The following GRIN2B variants were observed in gnomAD, a reference collection of about 807,000 sequenced individuals.
GRIN2B encodes the protein glutamate receptor ionotropic, NMDA 2B.
Under a neutral mutation model 114.5 loss-of-function variants are expected in GRIN2B, and 5 were observed. The observed-to-expected ratio is 0.04, with a 90% CI of 0.02 to 0.09. GRIN2B has a LOEUF of 0.09. Ranked by LOEUF, GRIN2B falls within the 10% of genes least tolerant of loss-of-function variation. The pLI is 1.00. For missense variants in GRIN2B, 1,108 were observed against 1,943.5 expected (o/e 0.57, Z 8.08); for synonymous variants, 787 against 745.1 (o/e 1.06, Z -0.92).
intron 3 of GRIN2B, among the ~76,000 whole-genome samples, chr12:13,781,036 T>C (rs1343642588): frequency 6.6e-6 from 1 of 152,188 alleles, no homozygotes; most frequent in Non-Finnish European, 1.5e-5. Flanking sequence ...GTTCCTTATG[T>C]AGTTCTGGTA....
chr12:13,698,392 G>A (rs16909400), intron 4 of GRIN2B, among the ~76,000 whole-genome samples: 3,415 of 152,290 alleles, frequency 0.022, 126 homozygotes, highest in African/African-American at 0.078. Flanking sequence ...GTAAATATTA[G>A]TTGAAGTTGC....
At chr12:13,645,992 T>C (rs1235176780) in intron 5 of GRIN2B, among the ~76,000 whole-genome samples, 1 of 152,112 alleles carries the variant, frequency 6.6e-6, no homozygotes, top group Non-Finnish European at 1.5e-5. Flanking sequence ...TTTCACCACA[T>C]AAATTTATAT....
intron 8 of GRIN2B, among the ~76,000 whole-genome samples, 196 bp downstream of exon 8, chr12:13,614,918 A>G (rs1220313059): frequency 1.3e-5 from 2 of 152,050 alleles, no homozygotes; most frequent in Admixed American, 6.5e-5. Context: ...ATGCTTTCCT[A>G]TTTTTCTGGG....
At chr12:13,918,217 A>C (rs1866764875) in intron 2 of GRIN2B, among the ~76,000 whole-genome samples, 1 of 152,224 alleles carries the variant, frequency 6.6e-6, no homozygotes, top group African/African-American at 2.4e-5. Flanking sequence ...AATACCTCAC[A>C]AGATTTCTGC....
chr12:13,960,781 G>A (rs219934), intron 2 of GRIN2B, among the ~76,000 whole-genome samples: 68,810 of 151,980 alleles, frequency 0.45, 15,818 homozygotes, highest in East Asian at 0.5. Context: ...ATGAAGAGAC[G>A]GATTGGGTCA....
At chr12:13,801,556 G>A (rs1445923300) in intron 3 of GRIN2B, among the ~76,000 whole-genome samples, 1 of 152,110 alleles carries the variant, frequency 6.6e-6, no homozygotes, top group African/African-American at 2.4e-5. Context: ...TGAAAACAAA[G>A]TCTTGGCCAA....
At chr12:13,963,369 C>T (rs1291822358) in intron 2 of GRIN2B, among the ~76,000 whole-genome samples, 3 of 152,126 alleles carry the variant, frequency 2.0e-5, no homozygotes, top group Non-Finnish European at 4.4e-5. Context: ...TGCAATTCTC[C>T]GCGGCATGAC....
chr12:13,820,841 C>T (rs1407196436), intron 3 of GRIN2B, among the ~76,000 whole-genome samples: 1 of 152,080 alleles, frequency 6.6e-6, no homozygotes, highest in Non-Finnish European at 1.5e-5. Context: ...AGTCTCCCTG[C>T]CCACAAAATC....
At chr12:13,881,011 T>C (rs184482115) in intron 2 of GRIN2B, among the ~76,000 whole-genome samples, 5 of 119,440 alleles carry the variant, frequency 4.2e-5, no homozygotes, top group Non-Finnish European at 1.0e-4. Flanking sequence ...TGTGTGTGTG[T>C]GTGCGCGTGC....
intron 3 of GRIN2B, among the ~76,000 whole-genome samples, chr12:13,760,720 G>A (rs959854876): frequency 6.6e-6 from 1 of 152,208 alleles, no homozygotes; most frequent in African/African-American, 2.4e-5. Flanking sequence ...CAGCTGTCCT[G>A]AGAAGTTCTG....
At chr12:13,724,141 G>A (rs967425922) in intron 4 of GRIN2B, among the ~76,000 whole-genome samples, 3 of 152,076 alleles carry the variant, frequency 2.0e-5, no homozygotes, top group Non-Finnish European at 2.9e-5. Context: ...TCTGAAGCAG[G>A]TGCCTCTCAT....
chr12:13,635,774 G>A (rs531622292), intron 5 of GRIN2B, among the ~76,000 whole-genome samples: 1 of 145,070 alleles, frequency 6.9e-6, no homozygotes, highest in Non-Finnish European at 1.5e-5. Context: ...TGCTGAGAAA[G>A]GTATTTTATA....
chr12:13,821,430 A>G (rs781308094), intron 3 of GRIN2B, among the ~76,000 whole-genome samples: 1 of 152,212 alleles, frequency 6.6e-6, no homozygotes, highest in Non-Finnish European at 1.5e-5. Context: ...GGCAGTTGCT[A>G]AAATGCAAAT....
chr12:13,564,119 C>T lies in GRIN2B; in HGVS notation c.3119G>A (p.Gly1040Asp), dbSNP rs1381973537. The T allele has an allele frequency of 6.2e-7, 1 of 1,614,142 alleles. No individual in the cohort carries two copies. The change falls in exon 14 of 14, where the codon GGC becomes GAC. Residue 1040 changes from glycine (G) to aspartate (D), a missense_variant. Physicochemically the swap from Gly to Asp is moderately conservative, Grantham distance 94. Coordinates refer to ENST00000609686, the MANE Select transcript of GRIN2B (RefSeq NM_000834.5). This position sits in a 1 kb window ranked among gnomAD's most constrained non-coding sequence, Gnocchi z 4.8. ...SKHSQLSDLY[G>D]KFSFKSDRYS... is the part of the protein sequence containing the mutation. ...GCGGTCGCTCTTGAAGGAGAATTTG[C>T]CGTACAGGTCACTGAGCTGGCTGTG...
intron 4 of GRIN2B, among the ~76,000 whole-genome samples, chr12:13,736,293 G>A (rs1478078180): frequency 6.6e-6 from 1 of 152,014 alleles, no homozygotes; most frequent in Admixed American, 6.6e-5. Flanking sequence ...GATTAACTAT[G>A]GTGCCTCTTC....
At chr12:13,860,127 C>T (rs1406846303) in intron 3 of GRIN2B, among the ~76,000 whole-genome samples, 1 of 152,070 alleles carries the variant, frequency 6.6e-6, no homozygotes, top group African/African-American at 2.4e-5. Flanking sequence ...TGTCACACAC[C>T]ACTGCCAGCC....
chr12:13,789,587 A>G (rs1292381919), intron 3 of GRIN2B, among the ~76,000 whole-genome samples: 1 of 152,186 alleles, frequency 6.6e-6, no homozygotes, highest in African/African-American at 2.4e-5. Flanking sequence ...TCTAAGCACT[A>G]CTAGCCTTAG....
intron 4 of GRIN2B, among the ~76,000 whole-genome samples, chr12:13,687,055 C>T (rs1006236156): frequency 1.3e-5 from 2 of 152,132 alleles, no homozygotes; most frequent in South Asian, 4.2e-4. Flanking sequence ...TCACCTTCCC[C>T]CACGAGTAGA....
intron 3 of GRIN2B, among the ~76,000 whole-genome samples, chr12:13,779,117 C>T (rs1167080531): frequency 6.6e-6 from 1 of 152,208 alleles, no homozygotes; most frequent in Non-Finnish European, 1.5e-5. Context: ...GGTGCACTCT[C>T]ACTGCAACCT....
Sources: allele counts gnomAD v4.1 joint callset (sites outside exome capture counted in the v4.1 genomes callset), GRCh38; gene constraint gnomAD v4.1.1; non-coding constraint Gnocchi (gnomAD v3.1); transcripts MANE v1.5; gene names NCBI Gene and HGNC (gene_info 2026-07-23, HGNC 2026-07-21).